COMMD3: variants seen among roughly 807,000 people sequenced by gnomAD.
COMMD3 encodes the protein COMM domain containing 3.
In COMMD3, 31 loss-of-function variants were observed where a neutral mutation model predicts 31.2. The ratio of observed to expected loss-of-function variants is 0.99; its 90% CI spans 0.75 to 1.34. The LOEUF is 1.34. COMMD3 is among the 40% of genes most tolerant of loss of function. COMMD3 has a pLI of 0.00. For missense variants in COMMD3, 274 were observed against 236.9 expected, an observed-to-expected ratio of 1.16 and a Z score of -1.03; for synonymous variants, 108 against 87.3, an observed-to-expected ratio of 1.24 and a Z score of -1.32.
At position 22,316,459 on chromosome 10, in the gene COMMD3, G is replaced by T. The variant is rs1414598526; in HGVS notation, c.42G>T (p.Leu14=). Residue 14 remains leucine, a synonymous_variant, in exon 1 of 8, where the codon CTG becomes CTT. Coordinates refer to ENST00000376836, the MANE Select transcript of COMMD3 (RefSeq NM_012071.4). ...CTGTGCAGAAAGGCTTCCAGATGCT[G>T]GCGGATCCCCGCTCCTTCGACTCCA... is the stretch of plus-strand genomic sequence containing the variant. ...SESVQKGFQM[L]ADPRSFDSNA... The T allele has an allele frequency of 4.5e-6, 7 of 1,550,926 alleles. No individual in the cohort carries two copies. Among genetic ancestry groups the T allele is most frequent in the Non-Finnish European group, 6.1e-6 (7 of 1,146,870 alleles).
chr10:22,317,698 G>T (rs937986703), intron 1 of COMMD3, among the ~76,000 whole-genome samples, 186 bp from the exon 2 acceptor site: 2 of 152,104 alleles, frequency 1.3e-5, no homozygotes, highest in Non-Finnish European at 2.9e-5. Context: ...AGTTCTTGTT[G>T]TGTTCTTTTT....
intron 4 of COMMD3, 23 bp downstream of exon 4, chr10:22,318,329 A>G: frequency 1.9e-6 from 3 of 1,587,498 alleles, no homozygotes; most frequent in Non-Finnish European, 2.6e-6. Context: ...TAAGGTGTCA[A>G]GCTGAGGCAC....
Position 22,318,652 on chromosome 10 carries a change from G to A in COMMD3, c.351-1G>A. 1 of 1,611,350 alleles carries A rather than the reference G, an allele frequency of 6.2e-7. No individual in the cohort carries two copies. The highest frequency in any genetic ancestry group is 8.5e-7 in the Non-Finnish European group (1 of 1,177,664). On this transcript the variant is annotated splice_acceptor_variant, in intron 4 of 7. Coordinates refer to ENST00000376836, the MANE Select transcript of COMMD3 (RefSeq NM_012071.4). LOFTEE classifies it high-confidence loss of function. ...TACGAAGTTATCATTGCATCTTTCAGTATAGGCAGATCTCTCCCTCATATA... is the reference window on the plus strand; with the variant it reads ...TACGAAGTTATCATTGCATCTTTCAATATAGGCAGATCTCTCCCTCATATA...
Position 22,318,263 on chromosome 10 carries a change from T to C in COMMD3, c.316-9T>C. On this transcript the variant is annotated splice_polypyrimidine_tract_variant and intron_variant, in intron 3 of 7. Transcript: ENST00000376836. ...TTTCTTTCTTTCTTGCTTTCTTTTTTCTCTCCAGAATAATAAGAATTCCCT... is the reference window on the plus strand; with the variant it reads ...TTTCTTTCTTTCTTGCTTTCTTTTTCCTCTCCAGAATAATAAGAATTCCCT... The C allele has an allele frequency of 1.2e-6, 2 of 1,602,722 alleles. No individual in the cohort carries two copies. The highest frequency in any genetic ancestry group is 1.7e-6 in the Non-Finnish European group (2 of 1,177,178).
intron 7 of COMMD3, 42 bp from the exon 8 acceptor site, chr10:22,319,897 T>A (rs74584445): frequency 6.2e-7 from 1 of 1,608,960 alleles, no homozygotes; most frequent in African/African-American, 1.3e-5. Flanking sequence ...CTTCTTTCCA[T>A]GTTTTATCCT....
At chr10:22,319,566 T>C (rs1000814650) in intron 7 of COMMD3, 58 of 176,288 alleles carry the variant, frequency 3.3e-4, no homozygotes, top group Non-Finnish European at 6.4e-4. Context: ...TTAAGTGAAA[T>C]TGAATTTTTC....
rs544778048 is a variant in COMMD3 at position 22,320,230 on chromosome 10, T to A, written c.*232T>A. 6 of 1,187,996 alleles carry A rather than the reference T, an allele frequency of 5.1e-6. No homozygotes were observed. In the Admixed American group the frequency reaches 8.8e-5, roughly 18 times the overall value. The allele number at this position is 1,187,996 out of a possible 1,614,324, so 73.6% of individuals were successfully genotyped here. On this transcript the variant is annotated 3_prime_UTR_variant, in exon 8 of 8. Transcript: ENST00000376836. ...AGTAGTAACTGTCCATTTATCCTATTTTGATCTTTTTCAAGTCTTCTGAAA... is the reference window on the plus strand; with the variant it reads ...AGTAGTAACTGTCCATTTATCCTATATTGATCTTTTTCAAGTCTTCTGAAA...
chr10:22,319,828 A>T, intron 7 of COMMD3, 111 bp from the exon 8 acceptor site: 1 of 1,336,676 alleles, frequency 7.5e-7, no homozygotes, highest in Non-Finnish European at 1.0e-6. Flanking sequence ...GTTGAATTTT[A>T]AACTTGTTTG....
Position 22,316,429 on chromosome 10 carries a change from G to A in COMMD3, c.12G>A (p.Ser4=). The A allele has an allele frequency of 6.5e-7, 1 of 1,545,084 alleles. No individual in the cohort carries two copies. Among genetic ancestry groups the A allele is most frequent in the Non-Finnish European group, 8.7e-7 (1 of 1,143,444 alleles). ...ACGGCGCGCTCACAATGGAGCTCTCGGAGTCTGTGCAGAAAGGCTTCCAGA... is the reference window on the plus strand; with the variant it reads ...ACGGCGCGCTCACAATGGAGCTCTCAGAGTCTGTGCAGAAAGGCTTCCAGA... MEL[S]ESVQKGFQML... is the part of the protein sequence containing the mutation. The change falls in exon 1 of 8, where the codon TCG becomes TCA. Residue 4 remains serine, a synonymous_variant. Coordinates refer to ENST00000376836, the MANE Select transcript of COMMD3 (RefSeq NM_012071.4).
In COMMD3 at chr10:22,317,984, G is replaced by A. The variant is rs973039125; in HGVS notation, c.240G>A (p.Lys80=). The A allele has an allele frequency of 1.9e-6, 3 of 1,613,924 alleles. No individual in the cohort carries two copies. The highest frequency in any genetic ancestry group is 2.2e-5 in the South Asian group (2 of 91,078). Residue 80 remains lysine, a synonymous_variant, in exon 2 of 8, where the codon AAG becomes AAA. Coordinates refer to ENST00000376836, the MANE Select transcript of COMMD3 (RefSeq NM_012071.4). Reference sequence around the variant, plus strand: ...AGGCAGGAAAGCACCGAGCTGACAAGTCAACTCTAAGGTACAGGATTTATT... The same window carrying A: ...AGGCAGGAAAGCACCGAGCTGACAAATCAACTCTAAGGTACAGGATTTATT... ...ILEAGKHRAD[K]STLSTYLEDC...
chr10:22,318,624 A>G (rs1246739520), intron 4 of COMMD3, 29 bp from the exon 5 acceptor site: 7 of 1,584,734 alleles, frequency 4.4e-6, no homozygotes, highest in African/African-American at 1.3e-5. Context: ...TGAGGAGACT[A>G]TGTACGAAGT....
At position 22,319,823 on chromosome 10, in the gene COMMD3, A is replaced by T; in HGVS notation, c.529-116A>T. 2 of 1,309,868 alleles carry T rather than the reference A, an allele frequency of 1.5e-6. 1 individual carries two copies. The highest frequency in any genetic ancestry group is 2.8e-5 in the South Asian group (2 of 70,612). The allele number at this position is 1,309,868 out of a possible 1,614,324, so 81.1% of individuals were successfully genotyped here. A position where few individuals can be genotyped will look rare whatever the true frequency, so the allele number is the denominator to read the frequency against. Reference sequence around the variant, plus strand: ...TTGTCAAAAGTTAAAATCTTGTTGAATTTTAAACTTGTTTGGAAGGTGTGT... The same window carrying T: ...TTGTCAAAAGTTAAAATCTTGTTGATTTTTAAACTTGTTTGGAAGGTGTGT... On this transcript the variant is annotated intron_variant, in intron 7 of 7. Coordinates refer to ENST00000376836, the MANE Select transcript of COMMD3 (RefSeq NM_012071.4).
chr10:22,318,390 GGGATCTTGACCCAAA>G, intron 4 of COMMD3, 84 bp downstream of exon 4: 1 of 1,531,560 alleles, frequency 6.5e-7, no homozygotes, highest in Admixed American at 2.2e-5. Flanking sequence ...CAAGATCTTC[GGGATCTTGACCCAAA>G]GAAAAGGAGC....
At chr10:22,319,534 AATG>A (rs1835919684) in intron 7 of COMMD3, 1 of 171,880 alleles carries the variant, frequency 5.8e-6, no homozygotes, top group Non-Finnish European at 1.2e-5. Flanking sequence ...GTTTTTAAAA[AATG>A]AAGCTCATTA....
chr10:22,318,820 T>C lies in COMMD3; in HGVS notation c.426T>C (p.His142=), dbSNP rs192630710. 1.9e-6 allele frequency: 3 copies of C among 1,614,008 alleles called. No homozygotes were observed. Among genetic ancestry groups the C allele is most frequent in the South Asian group, 2.2e-5 (2 of 91,082 alleles). ...TGTTATTTTAGACCAATCAACTTCA[T>C]AGGATGTACAGACCTGCATATTTGG... is the stretch of plus-strand genomic sequence containing the variant. ...LEYQIKTNQL[H]RMYRPAYLVT... The change falls in exon 6 of 8, where the codon CAT becomes CAC. Residue 142 remains histidine (H), a synonymous_variant. Transcript: ENST00000376836.
chr10:22,316,692 G>C (rs1250992794), intron 1 of COMMD3, 136 bp downstream of exon 1: 2 of 1,341,448 alleles, frequency 1.5e-6, no homozygotes, highest in African/African-American at 3.0e-5. Flanking sequence ...TCCGGACGGA[G>C]TGTTGGGGAC....
chr10:22,319,285 C>A, intron 7 of COMMD3: 1 of 331,062 alleles, frequency 3.0e-6, no homozygotes, highest in Non-Finnish European at 5.4e-6. Context: ...GTGTAAATTT[C>A]TTCTATTCAT....
At position 22,320,074 on chromosome 10, in the gene COMMD3, T is replaced by A. The variant is rs772608809; in HGVS notation, c.*76T>A. 8.1e-6 allele frequency: 13 copies of A among 1,613,336 alleles called. No individual in the cohort carries two copies. The highest frequency in any genetic ancestry group is 1.1e-5 in the Non-Finnish European group (13 of 1,179,626). On this transcript the variant is annotated 3_prime_UTR_variant, in exon 8 of 8. Transcript: ENST00000376836. Reference sequence around the variant, plus strand: ...TTGCCTTCAGCTGAACCACCGTTTGTGCGAGCTGGATGTCCTTTTCAGTAG... The same window carrying A: ...TTGCCTTCAGCTGAACCACCGTTTGAGCGAGCTGGATGTCCTTTTCAGTAG...
At chr10:22,318,906 CA>C (rs1564346362) in intron 6 of COMMD3, 44 bp downstream of exon 6, 6 of 1,611,408 alleles carry the variant, frequency 3.7e-6, no homozygotes, top group Non-Finnish European at 5.1e-6. Flanking sequence ...TTTATAATTT[CA>C]TTGATTTAAA....
Sources: gnomAD v4.1 joint callset for allele counts (sites outside exome capture counted in the v4.1 genomes callset) on GRCh38, gnomAD v4.1.1 for gene constraint, MANE v1.5 for transcripts, NCBI Gene and HGNC (gene_info 2026-07-23, HGNC 2026-07-21) for gene names.